Variants in CCNL1 observed in about 807,000 individuals in gnomAD.
CCNL1 encodes the protein cyclin L1.
In CCNL1, 13 loss-of-function variants were observed where a neutral mutation model predicts 60.6. The ratio of observed to expected loss-of-function variants is 0.21; its 90% confidence interval spans 0.14 to 0.34. The LOEUF is 0.34. CCNL1 is among the 10% of genes least tolerant of loss of function. The probability of loss-of-function intolerance (pLI) is 1.00; values close to 1 mark genes in which losing one functional copy is unlikely to be tolerated. For missense variants in CCNL1, 481 were observed against 664.3 expected (o/e 0.72, Z 3.03); for synonymous variants, 270 against 244.3 (o/e 1.10, Z -0.98).
rs1738849470 is a variant in CCNL1 at position 157,159,086 on chromosome 3, T to A, written c.379-111A>T. On this transcript the variant is annotated intron_variant, in intron 2 of 10. Transcript: ENST00000295926. Reference sequence around the variant, plus strand: ...TTAGTAAAATTAGAGAAGACATCTCTATGCCGTAAGTCTACCAGCTATGCT... The same window carrying A: ...TTAGTAAAATTAGAGAAGACATCTCAATGCCGTAAGTCTACCAGCTATGCT... 2.2e-5 allele frequency: 16 copies of A among 725,356 alleles called. No individual in the cohort carries two copies. In the South Asian group the frequency reaches 2.2e-4, roughly 10 times the overall value. 44.9% of individuals were successfully genotyped at this position (725,356 alleles called of 1,614,324 possible).
chr3:157,147,613 A>T lies in CCNL1; in HGVS notation c.*628T>A. 1 of 985,392 alleles carries T rather than the reference A, an allele frequency of 1.0e-6. No individual in the cohort carries two copies. The highest frequency in any genetic ancestry group is 1.1e-4 in the East Asian group (1 of 8,814). 61.0% of individuals were successfully genotyped at this position (985,392 alleles called of 1,614,324 possible). On this transcript the variant is annotated 3_prime_UTR_variant, in exon 11 of 11. Transcript: ENST00000295926. ...TCACATTGTTGGGCGACTCCCATTT[A>T]CTTTTTCCATATATACAGTGAAGAC... is the stretch of plus-strand genomic sequence containing the variant.
rs756930379 is a variant in CCNL1 at position 157,148,434 on chromosome 3, T to C, written c.1388A>G (p.His463Arg). 1 of 1,614,212 alleles carries C rather than the reference T, an allele frequency of 6.2e-7. No individual in the cohort carries two copies. Among genetic ancestry groups the C allele is most frequent in the East Asian group, 2.2e-5 (1 of 44,886 alleles). ...ACGAGATTTTTTCCTTTTATGACCA[T>C]GTCTGTTTGAACTTTTTAAATCATC... ...TRDDLKSSNRHGHKRKKSRSR... is the reference protein window; with the variant it reads ...TRDDLKSSNRRGHKRKKSRSR... Residue 463 changes from histidine to arginine, a missense_variant, in exon 11 of 11, where the codon CAT becomes CGT. Physicochemically the swap from His to Arg is conservative, Grantham distance 29. Around this residue, in one of 5 missense-constraint regions of CCNL1, gnomAD observed 197 missense variants for 233.9 expected, o/e 0.84. Coordinates refer to ENST00000295926, the MANE Select transcript of CCNL1 (RefSeq NM_020307.4).
At chr3:157,153,568 G>C (rs1027684331) in intron 3 of CCNL1, 2 of 156,560 alleles carry the variant, frequency 1.3e-5, no homozygotes, top group African/African-American at 2.4e-5. Context: ...ATGGTAGTGG[G>C]TTATCAGAAC....
At chr3:157,159,037 T>C (rs936467559) in intron 2 of CCNL1, 62 bp from the exon 3 acceptor site, 27 of 1,122,438 alleles carry the variant, frequency 2.4e-5, no homozygotes, top group Non-Finnish European at 3.3e-5. Flanking sequence ...AAGAATAAAA[T>C]TTAGAACACA....
intron 8 of CCNL1, 45 bp downstream of exon 8, chr3:157,149,791 C>T (rs1292475101): frequency 2.5e-6 from 4 of 1,589,378 alleles, no homozygotes; most frequent in Non-Finnish European, 3.4e-6. Flanking sequence ...AATAAAGACA[C>T]ACTTTCAGTG....
rs753104825 is a variant in CCNL1, at chr3:157,149,356, T to C, written c.1163A>G (p.Asn388Ser). 2 of 1,614,094 alleles carry C rather than the reference T, an allele frequency of 1.2e-6. No individual in the cohort carries two copies. Among genetic ancestry groups the C allele is most frequent in the Non-Finnish European group, 1.7e-6 (2 of 1,179,964 alleles). ...CCTCGATCGACTTGCACTTCTGCTA[T>C]TTCTACTTCTCTTGCTGTCTTTTCT... is the stretch of plus-strand genomic sequence containing the variant. Reference protein sequence around the residue: ...GVRKDSKRSRNSRSASRSRSR... With the variant: ...GVRKDSKRSRSSRSASRSRSR... Residue 388 changes from asparagine to serine, a missense_variant, in exon 10 of 11, where the codon AAT (asparagine) becomes AGT (serine). Around this residue, in one of 5 missense-constraint regions of CCNL1, gnomAD observed 197 missense variants for 233.9 expected, o/e 0.84. Coordinates refer to ENST00000295926, the MANE Select transcript of CCNL1 (RefSeq NM_020307.4).
At chr3:157,150,935 A>G in intron 5 of CCNL1, 1 of 982,838 alleles carries the variant, frequency 1.0e-6, no homozygotes, top group Non-Finnish European at 1.2e-6. Context: ...AAACACATAT[A>G]ATGGCCTTGT....
At chr3:157,145,437 C>CAAAAAAAAAAAAAAAAAAAAAAAA (rs56894231), downstream of CCNL1, among the ~76,000 whole-genome samples, 23 of 24,266 alleles carry the variant, frequency 9.5e-4, 2 homozygotes, top group East Asian at 1.7e-3. Context: ...GACTTCATCT[C>CAAAAAAAAAAAAAAAAAAAAAAAA]AAAAAAAAAA....
chr3:157,147,815 GTATTT>G lies in CCNL1; in HGVS notation c.*421_*425del. 8.1e-6 allele frequency: 8 copies of G among 985,570 alleles called. No homozygotes were observed. The highest frequency in any genetic ancestry group is 9.6e-6 in the Non-Finnish European group (8 of 829,462). The allele number at this position is 985,570 out of a possible 1,614,324, so 61.1% of individuals were successfully genotyped here. On this transcript the variant is annotated 3_prime_UTR_variant, in exon 11 of 11. Transcript: ENST00000295926. ...AAGCAGTTTAGAAAAAACAAGATTT[GTATTT>G]TATTTCCTTGTAAAAATCTTTACAC...
chr3:157,155,381 G>T (rs977487630), intron 3 of CCNL1, among the ~76,000 whole-genome samples: 3 of 152,100 alleles, frequency 2.0e-5, no homozygotes, highest in African/African-American at 7.2e-5. Flanking sequence ...CTACTATTTA[G>T]TCCCAAATCA....
chr3:157,149,319 T>C lies in CCNL1; in HGVS notation c.1200A>G (p.Arg400=), dbSNP rs113190506. The part of the protein sequence containing the change: ...RSASRSRSRT[R]SRSRSHTPRR... ...TTGGAGTATGTGATCTAGAACGTGA[T>C]CGTGTTCTTGACCTCGATCGACTTG... is the stretch of plus-strand genomic sequence containing the variant. Residue 400 remains arginine (R), a synonymous_variant, in exon 10 of 11, where the codon CGA becomes CGG. Coordinates refer to ENST00000295926, the MANE Select transcript of CCNL1 (RefSeq NM_020307.4). 1 of 1,614,000 alleles carries C rather than the reference T, an allele frequency of 6.2e-7. No homozygotes were observed. The highest frequency in any genetic ancestry group is 8.5e-7 in the Non-Finnish European group (1 of 1,179,854).
intron 3 of CCNL1, among the ~76,000 whole-genome samples, chr3:157,156,237 T>G (rs183041831): frequency 1.3e-5 from 2 of 152,190 alleles, no homozygotes; most frequent in African/African-American, 2.4e-5. Flanking sequence ...TACTTAAAAG[T>G]AGAAACATCC....
chr3:157,150,327 C>T lies in CCNL1; in HGVS notation c.729G>A (p.Glu243=). The T allele has an allele frequency of 1.2e-6, 2 of 1,613,988 alleles. No individual in the cohort carries two copies. Among genetic ancestry groups the T allele is most frequent in the Non-Finnish European group, 1.7e-6 (2 of 1,179,916 alleles). ...GGTAGATGCAAGCACATGCTATAGT[C>T]TCTGGTTGAAATCGAACAAACACAT... The part of the protein sequence containing the change: ...RTNVFVRFQP[E]TIACACIYLA... The change falls in exon 6 of 11, where the codon GAG becomes GAA. Residue 243 remains glutamate (E), a synonymous_variant. Coordinates refer to ENST00000295926, the MANE Select transcript of CCNL1 (RefSeq NM_020307.4).
At chr3:157,159,743 C>T (rs1738932285) in intron 1 of CCNL1, 49 bp downstream of exon 1, 3 of 1,430,542 alleles carry the variant, frequency 2.1e-6, no homozygotes, top group African/African-American at 2.9e-5. Context: ...GCGTAGGGGA[C>T]GGAGGAGAGG....
intron 3 of CCNL1, among the ~76,000 whole-genome samples, chr3:157,157,765 C>CT (rs1221645670): frequency 2.6e-5 from 4 of 152,096 alleles, no homozygotes; most frequent in Non-Finnish European, 5.9e-5. Context: ...CTAGGATACT[C>CT]TTTTTTTAAA....
intron 4 of CCNL1, chr3:157,152,640 A>T: frequency 4.7e-6 from 5 of 1,070,492 alleles, no homozygotes; most frequent in Non-Finnish European, 5.7e-6. Flanking sequence ...CAAATTTCCA[A>T]TAATGGTAAC....
intron 5 of CCNL1, chr3:157,151,299 C>T (rs1008036990): frequency 4.1e-6 from 4 of 985,702 alleles, no homozygotes; most frequent in Middle Eastern, 5.2e-4. Flanking sequence ...CTAAGTCCTT[C>T]ACATCAATAG....
chr3:157,153,309 C>A, intron 3 of CCNL1, 153 bp from the exon 4 acceptor site: 1 of 627,026 alleles, frequency 1.6e-6, no homozygotes, highest in Non-Finnish European at 2.6e-6. Context: ...CTTGTGCTGT[C>A]CAAGTTATGC....
At chr3:157,154,004 G>A (rs1738400746) in intron 3 of CCNL1, 1 of 152,126 alleles carries the variant, frequency 6.6e-6, no homozygotes, top group Non-Finnish European at 1.5e-5. Flanking sequence ...AGGGAATGAA[G>A]GGCCATAATG....
Sources: allele counts gnomAD v4.1 joint callset (sites outside exome capture counted in the v4.1 genomes callset), GRCh38; gene constraint gnomAD v4.1.1; regional missense constraint gnomAD v4.1.1; transcripts MANE v1.5; gene names NCBI Gene and HGNC (gene_info 2026-07-23, HGNC 2026-07-21).